Variants in ABCA8 observed in about 807,000 individuals in gnomAD.
The protein encoded by ABCA8 is ABC-type organic anion transporter ABCA8.
ABCA8 carries 177 observed loss-of-function variants against 192.3 expected under a neutral mutation model. That is an observed-to-expected ratio of 0.92 (90% CI 0.81 to 1.04). The LOEUF is 1.04. ABCA8 is among the 50% of genes least tolerant of loss of function. The pLI is 0.00. For synonymous variants in ABCA8, 642 were observed against 690.2 expected (o/e 0.93, Z 1.09); for missense variants, 1,915 against 1,904.8 (o/e 1.01, Z -0.10).
At chr17:68,889,592 T>C (rs1025733185) in intron 24 of ABCA8, among the ~76,000 whole-genome samples, 6 of 152,140 alleles carry the variant, frequency 3.9e-5, no homozygotes, top group African/African-American at 1.4e-4. Flanking sequence ...ACTAAGTATA[T>C]AGCTGAATGA....
chr17:68,891,687 A>G, intron 23 of ABCA8, 91 bp from the exon 24 acceptor site: 2 of 933,836 alleles, frequency 2.1e-6, no homozygotes, highest in South Asian at 1.5e-5. Context: ...CTAAGTTTAC[A>G]TAATTCTGCC....
At chr17:68,931,865 A>C (rs962743918) in intron 7 of ABCA8, 17 of 137,944 alleles carry the variant, frequency 1.2e-4, no homozygotes, top group South Asian at 2.2e-4. Context: ...TATTCTGTGT[A>C]GGTATCTCTC....
At chr17:68,910,793 C>G (rs2067212215) in intron 17 of ABCA8, among the ~76,000 whole-genome samples, 1 of 152,210 alleles carries the variant, frequency 6.6e-6, no homozygotes, top group Non-Finnish European at 1.5e-5. Flanking sequence ...GGACCCCATT[C>G]CAGGCCCTTG....
chr17:68,951,456 A>C (rs563489619), intron 1 of ABCA8, among the ~76,000 whole-genome samples: 3 of 152,188 alleles, frequency 2.0e-5, no homozygotes, highest in Non-Finnish European at 4.4e-5. Flanking sequence ...CATTTAGGTG[A>C]AGTGTTTTGT....
chr17:68,872,406 T>C (rs1450925904), intron 37 of ABCA8, among the ~76,000 whole-genome samples: 4 of 127,732 alleles, frequency 3.1e-5, no homozygotes, highest in East Asian at 4.7e-4. Context: ...GGAAGGGGAA[T>C]ATCACACTCT....
At chr17:68,902,309 T>C (rs1232004966) in intron 21 of ABCA8, among the ~76,000 whole-genome samples, 2 of 152,276 alleles carry the variant, frequency 1.3e-5, no homozygotes, top group East Asian at 3.9e-4. Flanking sequence ...ATGGGAGTAA[T>C]TGCTATTCGG....
intron 37 of ABCA8, among the ~76,000 whole-genome samples, chr17:68,871,790 G>A (rs959394291): frequency 7.9e-5 from 12 of 152,156 alleles, no homozygotes; most frequent in Non-Finnish European, 1.5e-4. Flanking sequence ...TGTGTTTGTC[G>A]GGATGCTGGT....
intron 13 of ABCA8, among the ~76,000 whole-genome samples, chr17:68,921,011 T>C (rs563373243): frequency 1.2e-4 from 18 of 152,300 alleles, no homozygotes; most frequent in African/African-American, 4.1e-4. Flanking sequence ...CATGGAATAC[T>C]ATGCAGCCAT....
At chr17:68,917,501 C>T in intron 16 of ABCA8, 50 bp from the exon 17 acceptor site, 2 of 1,364,224 alleles carry the variant, frequency 1.5e-6, no homozygotes, top group South Asian at 1.3e-5. Context: ...AGTGGCCCAT[C>T]CATTTCCAAG....
At chr17:68,935,569 T>TATATATATATATATATATATATAG (rs1555617704) in intron 5 of ABCA8, among the ~76,000 whole-genome samples, 1 of 138,892 alleles carries the variant, frequency 7.2e-6, no homozygotes, top group Non-Finnish European at 1.6e-5. Context: ...TATATATATA[T>TATATATATATATATATATATATAG]TATCTTCTTT....
chr17:68,918,962 A>C (rs1186437275), intron 14 of ABCA8, among the ~76,000 whole-genome samples: 2 of 151,200 alleles, frequency 1.3e-5, no homozygotes, highest in Non-Finnish European at 2.9e-5. Context: ...AAAAGAACAA[A>C]CACTGGAGCC....
chr17:68,909,013 C>T (rs981366685), intron 17 of ABCA8, among the ~76,000 whole-genome samples: 1 of 152,134 alleles, frequency 6.6e-6, no homozygotes, highest in Non-Finnish European at 1.5e-5. Flanking sequence ...AGAATATATG[C>T]TATTTTTTTA....
chr17:68,884,910 C>T (rs528887250), intron 27 of ABCA8: 96 of 937,426 alleles, frequency 1.0e-4, no homozygotes, highest in South Asian at 7.9e-4. Context: ...CTTCTAAAGC[C>T]GAGCATATCA....
chr17:68,918,059 C>T lies in ABCA8; in HGVS notation c.2035G>A (p.Asp679Asn). 3.7e-6 allele frequency: 6 copies of T among 1,614,056 alleles called. No individual in the cohort carries two copies. Among genetic ancestry groups the T allele is most frequent in the Middle Eastern group, 1.6e-4 (1 of 6,062 alleles). Residue 679 changes from aspartate (D) to asparagine (N), a missense_variant, in exon 16 of 40, where the codon GAC (aspartate) becomes AAC (asparagine). Physicochemically the swap from Asp to Asn is conservative, Grantham distance 23. Coordinates refer to ENST00000586539, the MANE Select transcript of ABCA8 (RefSeq NM_001288985.2). ...AACCAGTGATTACCCGCCAGGATGT[C>T]GGCCTCATCCATGAACTGGGTACTG... ...LFSTQFMDEA[D>N]ILADRKVFLS...
rs575940293 is a variant in ABCA8, at chr17:68,927,457, T to A, written c.1273+459A>T. ...GTGAACTTCTGGGGAGATTTTTTTTTAAACGTAGATGCATTGATTAATTAA... is the reference window on the plus strand; with the variant it reads ...GTGAACTTCTGGGGAGATTTTTTTTAAAACGTAGATGCATTGATTAATTAA... On this transcript the variant is annotated intron_variant, in intron 10 of 39. Transcript: ENST00000586539. 5.3e-3 allele frequency among the ~76,000 whole-genome samples: 794 copies of A among 149,300 alleles called. 6 individuals carry two copies. Among genetic ancestry groups the A allele is most frequent in the African/African-American group, 0.018 (720 of 40,990 alleles).
chr17:68,910,260 C>T (rs1459572956), intron 17 of ABCA8, among the ~76,000 whole-genome samples: 2 of 152,204 alleles, frequency 1.3e-5, no homozygotes, highest in Admixed American at 1.3e-4. Context: ...ATTGCTGACA[C>T]AACTTCCCAT....
chr17:68,896,734 A>G (rs2066770808), intron 21 of ABCA8, among the ~76,000 whole-genome samples: 1 of 152,212 alleles, frequency 6.6e-6, no homozygotes. Flanking sequence ...GATATGTCAA[A>G]GAGAAGCCAT....
In ABCA8 at chr17:68,922,646, T is replaced by C. The variant is rs573037368; in HGVS notation, c.1443-346A>G. Reference sequence around the variant, plus strand: ...AAGAAAGCAAGGCCAAGAGATGACATGGACATTCGATACCCAAAGGCTCCT... The same window carrying C: ...AAGAAAGCAAGGCCAAGAGATGACACGGACATTCGATACCCAAAGGCTCCT... On this transcript the variant is annotated intron_variant, in intron 11 of 39. Transcript: ENST00000586539. Among the ~76,000 whole-genome samples, 5 of 152,232 alleles carry C rather than the reference T, an allele frequency of 3.3e-5. No homozygotes were observed. In the East Asian group the frequency reaches 5.8e-4, roughly 18 times the overall value.
In ABCA8 at chr17:68,940,816, A is replaced by C; in HGVS notation, c.243T>G (p.Pro81=). Residue 81 remains proline, a synonymous_variant, in exon 4 of 40, where the codon CCT becomes CCG. Coordinates refer to ENST00000586539, the MANE Select transcript of ABCA8 (RefSeq NM_001288985.2). ...TTATCTGTTGGGTCGTGTTGGTGAC[A>C]GGTGTGTATACAACAGAAAATCTGG... ...NESRFSVVYT[P]VTNTTQQIMN... 2 of 1,613,648 alleles carry C rather than the reference A, an allele frequency of 1.2e-6. No individual in the cohort carries two copies. The highest frequency in any genetic ancestry group is 1.1e-5 in the South Asian group (1 of 91,068).
Sources: gnomAD v4.1 joint callset for allele counts (sites outside exome capture counted in the v4.1 genomes callset) on GRCh38, gnomAD v4.1.1 for gene constraint, MANE v1.5 for transcripts, NCBI Gene and HGNC (gene_info 2026-07-23, HGNC 2026-07-21) for gene names.